CARMIL1: variants seen among roughly 807,000 people sequenced by gnomAD.
CARMIL1 encodes capping protein regulator and myosin 1 linker 1.
A neutral mutation model predicts 177.1 loss-of-function variants in CARMIL1; 90 were observed. The observed-to-expected ratio is 0.51, with a 90% CI of 0.43 to 0.61. CARMIL1 has a LOEUF of 0.61. Ranked by LOEUF, CARMIL1 falls within the 20% of genes least tolerant of loss-of-function variation. The probability of loss-of-function intolerance (pLI) is 0.00; values close to 1 mark genes in which losing one functional copy is unlikely to be tolerated. For synonymous variants in CARMIL1, 577 were observed against 606.2 expected (o/e 0.95, Z 0.71); for missense variants, 1,380 against 1,667.0 (o/e 0.83, Z 3.00).
At chr6:25,324,160 C>G (rs916247672) in intron 2 of CARMIL1, among the ~76,000 whole-genome samples, 1 of 152,184 alleles carries the variant, frequency 6.6e-6, no homozygotes, top group Non-Finnish European at 1.5e-5. Flanking sequence ...AACACCTTCT[C>G]CTGTCTGCTG....
chr6:25,586,023 G>A (rs992118870), intron 31 of CARMIL1, among the ~76,000 whole-genome samples: 8 of 152,060 alleles, frequency 5.3e-5, no homozygotes, highest in East Asian at 1.9e-4. Context: ...TGACAAAACC[G>A]CCATCATCAT....
At chr6:25,454,155 A>G (rs938619520) in intron 8 of CARMIL1, among the ~76,000 whole-genome samples, 4 of 152,242 alleles carry the variant, frequency 2.6e-5, no homozygotes, top group African/African-American at 9.6e-5. Flanking sequence ...TAAAGACTGA[A>G]TTAGTGGGGT....
In CARMIL1 at chr6:25,501,403, T is replaced by G. The variant is rs1410441; in HGVS notation, c.1395+1168T>G. On this transcript the variant is annotated intron_variant, in intron 17 of 36. Coordinates refer to ENST00000329474, the MANE Select transcript of CARMIL1 (RefSeq NM_017640.6). Reference sequence around the variant, plus strand: ...GGCTATGCAATCCTGGATGAATTGGTTAATATCACTAAATCTCAATTTCTG... The same window carrying G: ...GGCTATGCAATCCTGGATGAATTGGGTAATATCACTAAATCTCAATTTCTG... Among the ~76,000 whole-genome samples, 8 of 152,084 alleles carry G rather than the reference T, an allele frequency of 5.3e-5. 1 individual carries two copies. The South Asian group carries it at 1.7e-3, about 32-fold the overall frequency.
intron 2 of CARMIL1, among the ~76,000 whole-genome samples, chr6:25,414,519 A>C (rs1795202625): frequency 6.6e-6 from 1 of 152,130 alleles, no homozygotes; most frequent in African/African-American, 2.4e-5. Flanking sequence ...AAATCCTCTG[A>C]AGCTTTAAAT....
intron 32 of CARMIL1, among the ~76,000 whole-genome samples, chr6:25,595,323 G>A (rs541433008): frequency 8.5e-5 from 13 of 152,290 alleles, no homozygotes; most frequent in Non-Finnish European, 1.8e-4. Context: ...AGCCAAAGGC[G>A]GCAGGCTGGG....
rs1272856450 is a variant in CARMIL1, at chr6:25,279,474, C to A, written c.-322C>A. 4 of 447,378 alleles carry A rather than the reference C, an allele frequency of 8.9e-6. No homozygotes were observed. Among genetic ancestry groups the A allele is most frequent in the Non-Finnish European group, 1.6e-5 (4 of 246,236 alleles). The allele number at this position is 447,378 out of a possible 1,614,324, so 27.7% of individuals were successfully genotyped here. ...CAAGCCCCGCCGGGGACCAGCGAGCCGGGAGGAGGAGCAGGCGCCACAGCC... is the reference window on the plus strand; with the variant it reads ...CAAGCCCCGCCGGGGACCAGCGAGCAGGGAGGAGGAGCAGGCGCCACAGCC... On this transcript the variant is annotated 5_prime_UTR_variant, in exon 1 of 37. Coordinates refer to ENST00000329474, the MANE Select transcript of CARMIL1 (RefSeq NM_017640.6).
At chr6:25,463,712 G>C (rs1176934619) in intron 8 of CARMIL1, among the ~76,000 whole-genome samples, 1 of 152,108 alleles carries the variant, frequency 6.6e-6, no homozygotes, top group African/African-American at 2.4e-5. Flanking sequence ...CTGTAATTAG[G>C]CAATAGGAAG....
chr6:25,571,399 C>G (rs924056985), intron 29 of CARMIL1, among the ~76,000 whole-genome samples: 3 of 152,070 alleles, frequency 2.0e-5, no homozygotes, highest in Non-Finnish European at 2.9e-5. Flanking sequence ...AGGAAATGTT[C>G]TCTTTTCAGA....
At chr6:25,319,994 T>C (rs929049278) in intron 2 of CARMIL1, among the ~76,000 whole-genome samples, 2 of 152,194 alleles carry the variant, frequency 1.3e-5, no homozygotes, top group African/African-American at 4.8e-5. Flanking sequence ...ACATGTTATG[T>C]TCGGACATTA....
At chr6:25,474,545 A>G (rs575760404) in intron 11 of CARMIL1, among the ~76,000 whole-genome samples, 1 of 152,318 alleles carries the variant, frequency 6.6e-6, no homozygotes, top group East Asian at 1.9e-4. Context: ...CTCCAGCGTA[A>G]CTTGTCATCA....
At position 25,619,533 on chromosome 6, in the gene CARMIL1, A is replaced by C; in HGVS notation, c.4066A>C (p.Lys1356Gln). The C allele has an allele frequency of 6.2e-7, 1 of 1,613,994 alleles. No homozygotes were observed. The highest frequency in any genetic ancestry group is 1.3e-5 in the African/African-American group (1 of 75,054). The stretch of plus-strand genomic sequence containing the variant: ...CAGTAAAGATGGCCATCAAGGCAGC[A>C]AATCTAATGACTCCGGGGAAGAAGC... Reference protein sequence around the residue: ...SSSKDGHQGSKSNDSGEEAEK... With the variant: ...SSSKDGHQGSQSNDSGEEAEK... Residue 1356 changes from lysine (K) to glutamine (Q), a missense_variant, in exon 37 of 37, where the codon AAA becomes CAA. Coordinates refer to ENST00000329474, the MANE Select transcript of CARMIL1 (RefSeq NM_017640.6).
At chr6:25,594,338 A>G in intron 31 of CARMIL1, 77 bp from the exon 32 acceptor site, 1 of 886,582 alleles carries the variant, frequency 1.1e-6, no homozygotes, top group Non-Finnish European at 1.8e-6. Flanking sequence ...CCTTAATCAC[A>G]GTGTCTTAAA....
chr6:25,605,347 C>T (rs1815849754), intron 34 of CARMIL1, among the ~76,000 whole-genome samples: 1 of 150,118 alleles, frequency 6.7e-6, no homozygotes, highest in Non-Finnish European at 1.5e-5. Flanking sequence ...GTCCCTCTGA[C>T]TTCTTAGGTA....
At chr6:25,448,217 G>T (rs576614028) in intron 5 of CARMIL1, among the ~76,000 whole-genome samples, 2 of 152,216 alleles carry the variant, frequency 1.3e-5, no homozygotes, top group African/African-American at 4.8e-5. Flanking sequence ...TAATCATCAC[G>T]TACTCATCTG....
At chr6:25,574,814 T>C (rs1341833768) in intron 29 of CARMIL1, among the ~76,000 whole-genome samples, 1 of 152,222 alleles carries the variant, frequency 6.6e-6, no homozygotes, top group Non-Finnish European at 1.5e-5. Flanking sequence ...ATTTTAGTTA[T>C]TCCTCTACTG....
At chr6:25,617,309 A>T (rs1391250653) in intron 36 of CARMIL1, among the ~76,000 whole-genome samples, 1 of 152,198 alleles carries the variant, frequency 6.6e-6, no homozygotes, top group Non-Finnish European at 1.5e-5. Flanking sequence ...TATCTGTGAC[A>T]TAAACATTTT....
intron 2 of CARMIL1, among the ~76,000 whole-genome samples, chr6:25,330,103 A>G (rs369169449): frequency 6.6e-6 from 1 of 152,348 alleles, no homozygotes; most frequent in African/African-American, 2.4e-5. Context: ...TTGAATGCTC[A>G]TGATGTGTCA....
At chr6:25,325,540 TA>T (rs1292087517) in intron 2 of CARMIL1, among the ~76,000 whole-genome samples, 8 of 152,216 alleles carry the variant, frequency 5.3e-5, no homozygotes, top group African/African-American at 1.9e-4. Flanking sequence ...TTGCTTGGCT[TA>T]AAGGGAATTA....
chr6:25,535,877 C>T (rs212932), intron 24 of CARMIL1, among the ~76,000 whole-genome samples: 27,347 of 152,152 alleles, frequency 0.18, 2,642 homozygotes, highest in Middle Eastern at 0.23. Flanking sequence ...GAGCTATGCT[C>T]AGAGGAATCT....
Sources: gnomAD v4.1 joint callset for allele counts (sites outside exome capture counted in the v4.1 genomes callset) on GRCh38, gnomAD v4.1.1 for gene constraint, MANE v1.5 for transcripts, NCBI Gene and HGNC (gene_info 2026-07-23, HGNC 2026-07-21) for gene names.